TEAD4: variants seen among roughly 807,000 people sequenced by gnomAD.
The protein encoded by TEAD4 is transcriptional enhancer factor TEF-3.
A neutral mutation model predicts 52.4 loss-of-function variants in TEAD4; 36 were observed. That is an observed-to-expected ratio of 0.69 (90% CI 0.53 to 0.91). The LOEUF is 0.91. Among genes scored for constraint, TEAD4 ranks in the 40% least tolerant of loss-of-function variants. The pLI is 0.00. For synonymous variants in TEAD4, 220 were observed against 231.0 expected, an observed-to-expected ratio of 0.95 and a Z score of 0.43; for missense variants, 508 against 583.9, an observed-to-expected ratio of 0.87 and a Z score of 1.34.
In TEAD4 at chr12:2,964,277, G is replaced by A. The variant is rs573997271; in HGVS notation, c.-30+4237G>A. On this transcript the variant is annotated intron_variant, in intron 2 of 12. Coordinates refer to ENST00000359864, the MANE Select transcript of TEAD4 (RefSeq NM_003213.4). ...CCCCTTCCCCTCAAGCCCCTGAGATGTCTTTGCGAATCATCCTGGCTGGGA... is the reference window on the plus strand; with the variant it reads ...CCCCTTCCCCTCAAGCCCCTGAGATATCTTTGCGAATCATCCTGGCTGGGA... 1.4e-4 allele frequency among the ~76,000 whole-genome samples: 21 copies of A among 152,282 alleles called. 1 individual carries two copies. In the South Asian group the frequency reaches 4.3e-3, roughly 32 times the overall value.
At chr12:2,984,223 G>GA (rs2098236290) in intron 2 of TEAD4, among the ~76,000 whole-genome samples, 1 of 152,214 alleles carries the variant, frequency 6.6e-6, no homozygotes, top group Non-Finnish European at 1.5e-5. Context: ...GGAAGCGCTA[G>GA]AAAATCCCAT....
At chr12:3,004,578 C>T (rs958847837) in intron 3 of TEAD4, among the ~76,000 whole-genome samples, 1 of 152,158 alleles carries the variant, frequency 6.6e-6, no homozygotes. Flanking sequence ...TGCCTACGAC[C>T]CTGAGAAGAT....
intron 2 of TEAD4, among the ~76,000 whole-genome samples, chr12:2,993,259 CTG>C (rs1321921290): frequency 1.3e-5 from 2 of 152,198 alleles, no homozygotes; most frequent in African/African-American, 4.8e-5. Context: ...AGTCACAACT[CTG>C]TGTCTTTCTC....
intron 10 of TEAD4, among the ~76,000 whole-genome samples, chr12:3,034,685 C>G (rs1329864063): frequency 6.6e-6 from 1 of 152,196 alleles, no homozygotes; most frequent in Non-Finnish European, 1.5e-5. Flanking sequence ...GTAATCCCCC[C>G]ACTTTGGGAA....
At chr12:2,992,165 C>T (rs1432798101) in intron 2 of TEAD4, among the ~76,000 whole-genome samples, 1 of 151,902 alleles carries the variant, frequency 6.6e-6, no homozygotes, top group East Asian at 1.9e-4. Flanking sequence ...ATTACAGGCA[C>T]CCGCCACCAT....
In TEAD4 at chr12:3,011,084, C is replaced by T. The variant is rs374303555; in HGVS notation, c.291+16C>T. On this transcript the variant is annotated intron_variant, in intron 4 of 12. Coordinates refer to ENST00000359864, the MANE Select transcript of TEAD4 (RefSeq NM_003213.4). ...CAGGAAGCAGGTGGGCCTCAAGAGACGGGTAGGGGTCCCGGGGGTGGTACC... is the reference window on the plus strand; with the variant it reads ...CAGGAAGCAGGTGGGCCTCAAGAGATGGGTAGGGGTCCCGGGGGTGGTACC... 4.0e-5 allele frequency: 65 copies of T among 1,613,818 alleles called. No individual in the cohort carries two copies. The South Asian group carries it at 4.6e-4, about 11-fold the overall frequency.
At chr12:3,027,203 G>A (rs1032950547) in intron 10 of TEAD4, among the ~76,000 whole-genome samples, 1 of 152,118 alleles carries the variant, frequency 6.6e-6, no homozygotes, top group Non-Finnish European at 1.5e-5. Context: ...ATGTTGGCCA[G>A]GCTGGTCTCG....
chr12:3,012,436 G>A (rs967811078), intron 5 of TEAD4, among the ~76,000 whole-genome samples: 7 of 152,136 alleles, frequency 4.6e-5, no homozygotes, highest in Non-Finnish European at 8.8e-5. Flanking sequence ...CACACCCTGG[G>A]AGCTACAGGC....
chr12:3,012,201 GC>G lies in TEAD4; in HGVS notation c.324del (p.Ala110LeufsTer8). On this transcript the variant is annotated frameshift_variant, in exon 5 of 13. Coordinates refer to ENST00000359864, the MANE Select transcript of TEAD4 (RefSeq NM_003213.4). LOFTEE classifies it high-confidence loss of function. ...AGCCACATCCAGGTGCTGGCTCGTC[GC>G]AAAGCTCGCGAGATCCAGGCCAAGC... 6.2e-7 allele frequency: 1 copy of G among 1,614,022 alleles called. No homozygotes were observed. Among genetic ancestry groups the G allele is most frequent in the Non-Finnish European group, 8.5e-7 (1 of 1,179,958 alleles).
At chr12:2,971,312 G>A (rs2098224783) in intron 2 of TEAD4, among the ~76,000 whole-genome samples, 1 of 152,114 alleles carries the variant, frequency 6.6e-6, no homozygotes, top group Non-Finnish European at 1.5e-5. Context: ...GCGTGTATAT[G>A]TGTAAGAGAG....
At chr12:2,969,876 A>G (rs922343897) in intron 2 of TEAD4, among the ~76,000 whole-genome samples, 4 of 152,156 alleles carry the variant, frequency 2.6e-5, no homozygotes, top group Non-Finnish European at 5.9e-5. Flanking sequence ...ATCAGTGCAG[A>G]CTCCAGAGTG....
rs970993658 is a variant in TEAD4 at position 2,965,307 on chromosome 12, G to A, written c.-30+5267G>A. ...TGAGTAGCTGGGACTACAGGTATAC[G>A]CCACCACACCTGGCTAATTTGTAAA... On this transcript the variant is annotated intron_variant, in intron 2 of 12. Coordinates refer to ENST00000359864, the MANE Select transcript of TEAD4 (RefSeq NM_003213.4). Among the ~76,000 whole-genome samples the A allele has an allele frequency of 2.2e-4, 33 of 151,812 alleles. 1 individual carries two copies.
At chr12:3,019,033 A>T in intron 7 of TEAD4, 82 bp from the exon 8 acceptor site, 1 of 1,550,320 alleles carries the variant, frequency 6.5e-7, no homozygotes, top group Non-Finnish European at 8.9e-7. Flanking sequence ...AGGACCTACC[A>T]CACAGACCAC....
intron 3 of TEAD4, among the ~76,000 whole-genome samples, chr12:3,001,807 C>T (rs1252166362): frequency 2.0e-5 from 3 of 149,734 alleles, no homozygotes; most frequent in South Asian, 2.1e-4. Context: ...TCAGGCCAGG[C>T]GTGATGGCTC....
intron 2 of TEAD4, among the ~76,000 whole-genome samples, chr12:2,966,417 CTTT>C (rs113319820): frequency 1.4e-5 from 2 of 143,200 alleles, no homozygotes. Flanking sequence ...CTTTTTCTTT[CTTT>C]TTTTTTTTTT....
chr12:2,989,093 C>T (rs2098241034), intron 2 of TEAD4, among the ~76,000 whole-genome samples: 1 of 152,038 alleles, frequency 6.6e-6, no homozygotes, highest in South Asian at 2.1e-4. Flanking sequence ...GGTAAAACAA[C>T]CCAGGGCATG....
chr12:2,964,284 C>G lies in TEAD4; in HGVS notation c.-30+4244C>G, dbSNP rs186523922. Among the ~76,000 whole-genome samples the G allele has an allele frequency of 5.9e-5, 9 of 152,290 alleles. No individual in the cohort carries two copies. The South Asian group carries it at 1.9e-3, about 32-fold the overall frequency. ...CCCTCAAGCCCCTGAGATGTCTTTGCGAATCATCCTGGCTGGGATAAAAGG... is the reference window on the plus strand; with the variant it reads ...CCCTCAAGCCCCTGAGATGTCTTTGGGAATCATCCTGGCTGGGATAAAAGG... On this transcript the variant is annotated intron_variant, in intron 2 of 12. Transcript: ENST00000359864.
intron 5 of TEAD4, among the ~76,000 whole-genome samples, chr12:3,015,184 T>C (rs1210814264): frequency 6.6e-6 from 1 of 152,148 alleles, no homozygotes; most frequent in Non-Finnish European, 1.5e-5. Flanking sequence ...AATGACCCAC[T>C]ACTCGGAACA....
intron 10 of TEAD4, among the ~76,000 whole-genome samples, chr12:3,028,183 C>T (rs954165297): frequency 1.3e-5 from 2 of 152,152 alleles, no homozygotes; most frequent in East Asian, 1.9e-4. Context: ...GCCAAATGTA[C>T]GGAGAGTCCA....
Sources: allele counts gnomAD v4.1 joint callset (sites outside exome capture counted in the v4.1 genomes callset), GRCh38; gene constraint gnomAD v4.1.1; transcripts MANE v1.5; gene names NCBI Gene and HGNC (gene_info 2026-07-23, HGNC 2026-07-21).